CRISPLD2: variants seen among roughly 807,000 people sequenced by gnomAD.
The protein encoded by CRISPLD2 is cysteine rich secretory protein LCCL domain containing 2, also known as cysteine-rich secretory protein LCCL domain-containing 2.
Under a neutral mutation model 71.1 loss-of-function variants are expected in CRISPLD2, and 47 were observed. The ratio of observed to expected loss-of-function variants is 0.66; its 90% CI spans 0.52 to 0.84. The LOEUF is 0.84. Ranked by LOEUF, CRISPLD2 falls within the 40% of genes least tolerant of loss-of-function variation. The probability of loss-of-function intolerance (pLI) is 0.00; values close to 1 mark genes in which losing one functional copy is unlikely to be tolerated. For missense variants in CRISPLD2, 830 were observed against 651.1 expected (o/e 1.27, Z -2.99); for synonymous variants, 317 against 250.1 (o/e 1.27, Z -2.52).
At chr16:84,875,436 T>A (rs1262506627) in intron 11 of CRISPLD2, among the ~76,000 whole-genome samples, 1 of 148,342 alleles carries the variant, frequency 6.7e-6, no homozygotes, top group African/African-American at 2.5e-5. Flanking sequence ...TTTTTTTTTT[T>A]TGTAGCTCAT....
At chr16:84,839,671 G>C (rs375893011) in intron 2 of CRISPLD2, 3 of 152,318 alleles carry the variant, frequency 2.0e-5, no homozygotes, top group African/African-American at 7.2e-5. Context: ...TTCCTGGCTG[G>C]TTTTCCAGAA....
At chr16:84,853,331 T>C (rs1917141094) in intron 5 of CRISPLD2, among the ~76,000 whole-genome samples, 2 of 152,192 alleles carry the variant, frequency 1.3e-5, no homozygotes, top group Non-Finnish European at 2.9e-5. Flanking sequence ...ATGTTCTTTT[T>C]GGGGGAGTCA....
At chr16:84,896,131 T>C (rs1027138249) in intron 14 of CRISPLD2, among the ~76,000 whole-genome samples, 1 of 151,692 alleles carries the variant, frequency 6.6e-6, no homozygotes, top group Non-Finnish European at 1.5e-5. Flanking sequence ...CTCTGCCTCC[T>C]GGGTTCAGTG....
chr16:84,908,228 A>T lies in CRISPLD2; in HGVS notation c.*1586A>T, dbSNP rs1299039882. ...AACCCACCCCTTTAAGGAGTTGGTA[A>T]AAAGCAGTTCAACTCTTAGCTTGAC... On this transcript the variant is annotated 3_prime_UTR_variant, in exon 15 of 15. Coordinates refer to ENST00000262424, the MANE Select transcript of CRISPLD2 (RefSeq NM_031476.4). The T allele has an allele frequency of 6.6e-6, 1 of 152,250 alleles. No homozygotes were observed. Among genetic ancestry groups the T allele is most frequent in the Non-Finnish European group, 1.5e-5 (1 of 68,046 alleles). The allele number at this position is 152,250 out of a possible 1,614,324, so 9.4% of individuals were successfully genotyped here.
chr16:84,879,548 G>C (rs542681167), intron 12 of CRISPLD2, among the ~76,000 whole-genome samples: 1 of 152,250 alleles, frequency 6.6e-6, no homozygotes, highest in South Asian at 2.1e-4. Flanking sequence ...TTTTAGTAGA[G>C]ATGGGGTTTC....
chr16:84,905,160 A>G (rs2071790092), intron 14 of CRISPLD2, among the ~76,000 whole-genome samples: 1 of 152,062 alleles, frequency 6.6e-6, no homozygotes, highest in Non-Finnish European at 1.5e-5. Flanking sequence ...CATGCTGCTC[A>G]GGAGGCTGAG....
intron 6 of CRISPLD2, among the ~76,000 whole-genome samples, chr16:84,858,207 G>A (rs969628802): frequency 3.9e-5 from 6 of 152,290 alleles, no homozygotes; most frequent in South Asian, 2.1e-4. Context: ...CTGCTGGGTC[G>A]TATGGCCCAA....
chr16:84,849,070 G>A (rs1426058647), intron 3 of CRISPLD2: 2 of 232,684 alleles, frequency 8.6e-6, no homozygotes, highest in African/African-American at 2.2e-5. Flanking sequence ...AGCCACCTGA[G>A]GAGCCTACTA....
At chr16:84,882,734 A>T (rs1212757607) in intron 13 of CRISPLD2, among the ~76,000 whole-genome samples, 1 of 152,142 alleles carries the variant, frequency 6.6e-6, no homozygotes, top group Admixed American at 6.5e-5. Context: ...AACACATACT[A>T]TGTTTTAGGT....
intron 14 of CRISPLD2, among the ~76,000 whole-genome samples, chr16:84,901,044 C>T (rs566159698): frequency 3.0e-5 from 4 of 134,268 alleles, no homozygotes; most frequent in Admixed American, 7.3e-5. Context: ...CACACACACA[C>T]GCAAAAAAAA....
intron 6 of CRISPLD2, among the ~76,000 whole-genome samples, chr16:84,866,260 T>C (rs1487201346): frequency 1.4e-5 from 2 of 144,050 alleles, no homozygotes; most frequent in Non-Finnish European, 1.5e-5. Context: ...TGAGATGGAG[T>C]TTCGCTCTTG....
At chr16:84,820,489 T>C (rs1404746556) in intron 1 of CRISPLD2, among the ~76,000 whole-genome samples, 1 of 152,182 alleles carries the variant, frequency 6.6e-6, no homozygotes, top group South Asian at 2.1e-4. Context: ...TGTCAATAAC[T>C]GGAAAGCTGA....
chr16:84,869,341 G>A (rs1237455487), intron 8 of CRISPLD2, among the ~76,000 whole-genome samples: 1 of 152,246 alleles, frequency 6.6e-6, no homozygotes, highest in Non-Finnish European at 1.5e-5. Context: ...CACCCTCAGA[G>A]TCAAATGGGA....
intron 8 of CRISPLD2, among the ~76,000 whole-genome samples, chr16:84,870,036 C>A (rs2071452297): frequency 6.6e-6 from 1 of 152,192 alleles, no homozygotes; most frequent in African/African-American, 2.4e-5. Context: ...CAGTGTGCCA[C>A]TGTGGGAGCA....
chr16:84,886,322 C>G (rs1282685873), intron 13 of CRISPLD2, among the ~76,000 whole-genome samples: 1 of 152,246 alleles, frequency 6.6e-6, no homozygotes. Context: ...ACAGTGGATC[C>G]TGAGACACAG....
intron 11 of CRISPLD2, among the ~76,000 whole-genome samples, chr16:84,875,358 C>G (rs531076133): frequency 6.7e-6 from 1 of 149,406 alleles, no homozygotes; most frequent in East Asian, 2.0e-4. Flanking sequence ...CAGGACGACT[C>G]TGAATGTGCC....
At position 84,906,787 on chromosome 16, in the gene CRISPLD2, G is replaced by C. The variant is rs755223563; in HGVS notation, c.*145G>C. ...GTGTCCATCACTTTGTGGCCTGTGG[G>C]TGAGGTGACATCTCATCCCCTCACT... On this transcript the variant is annotated 3_prime_UTR_variant, in exon 15 of 15. Coordinates refer to ENST00000262424, the MANE Select transcript of CRISPLD2 (RefSeq NM_031476.4). 1 of 925,562 alleles carries C rather than the reference G, an allele frequency of 1.1e-6. No individual in the cohort carries two copies. Among genetic ancestry groups the C allele is most frequent in the Admixed American group, 1.9e-5 (1 of 51,680 alleles). The allele number at this position is 925,562 out of a possible 1,614,324, so 57.3% of individuals were successfully genotyped here.
chr16:84,895,288 G>A (rs1314172927), intron 14 of CRISPLD2, among the ~76,000 whole-genome samples: 1 of 152,194 alleles, frequency 6.6e-6, no homozygotes. Context: ...ATGCTTTTAA[G>A]CAGCACTCAT....
At chr16:84,854,392 G>A (rs896411803) in intron 5 of CRISPLD2, among the ~76,000 whole-genome samples, 9 of 152,110 alleles carry the variant, frequency 5.9e-5, no homozygotes, top group East Asian at 1.9e-4. Context: ...GCTTTTCAGC[G>A]CTAAGGTGTT....
Sources: gnomAD v4.1 joint callset for allele counts (sites outside exome capture counted in the v4.1 genomes callset) on GRCh38, gnomAD v4.1.1 for gene constraint, MANE v1.5 for transcripts, NCBI Gene and HGNC (gene_info 2026-07-23, HGNC 2026-07-21) for gene names.